Variants in SEC14L5 observed in about 807,000 individuals in gnomAD.
The protein encoded by SEC14L5 is SEC14-like protein 5.
In SEC14L5, 96 loss-of-function variants were observed where a neutral mutation model predicts 84.6. The observed-to-expected ratio is 1.13, with a 90% CI of 0.96 to 1.34. SEC14L5 has a LOEUF of 1.34. Among genes scored for constraint, SEC14L5 ranks in the 40% most tolerant of loss-of-function variants. The pLI is 0.00. For synonymous variants in SEC14L5, 546 were observed against 383.4 expected (o/e 1.42, Z -4.95); for missense variants, 1,224 against 942.5 (o/e 1.30, Z -3.91).
In SEC14L5 at chr16:4,997,045, G is replaced by A. The variant is rs758424517; in HGVS notation, c.970+1G>A. 1.9e-6 allele frequency: 3 copies of A among 1,601,640 alleles called. No homozygotes were observed. Among genetic ancestry groups the A allele is most frequent in the African/African-American group, 1.3e-5 (1 of 74,564 alleles). On this transcript the variant is annotated splice_donor_variant, in intron 8 of 15. Transcript: ENST00000251170. LOFTEE classifies it high-confidence loss of function. Reference sequence around the variant, plus strand: ...GGGGGCTGGCATTACCAGGACATAGGTGCGTGCCTCCACCCACATCATGTA... The same window carrying A: ...GGGGGCTGGCATTACCAGGACATAGATGCGTGCCTCCACCCACATCATGTA...
chr16:4,966,267 CTTTT>C (rs1019686741), intron 2 of SEC14L5, among the ~76,000 whole-genome samples: 1 of 78,768 alleles, frequency 1.3e-5, no homozygotes, highest in African/African-American at 4.8e-5. Flanking sequence ...CGCCCGGCCT[CTTTT>C]TTTTTTTTTT....
At chr16:4,970,729 G>C (rs1955265288) in intron 2 of SEC14L5, among the ~76,000 whole-genome samples, 1 of 152,186 alleles carries the variant, frequency 6.6e-6, no homozygotes, top group Non-Finnish European at 1.5e-5. Flanking sequence ...GGAGAGGCCA[G>C]TCATTCTGAG....
intron 2 of SEC14L5, among the ~76,000 whole-genome samples, chr16:4,974,659 A>G (rs1227453521): frequency 6.6e-6 from 1 of 151,896 alleles, no homozygotes; most frequent in Admixed American, 6.6e-5. Context: ...ATTTTAGTGC[A>G]CCTGTCACAC....
chr16:4,968,140 C>G (rs1385799375), intron 2 of SEC14L5, among the ~76,000 whole-genome samples: 3 of 151,440 alleles, frequency 2.0e-5, no homozygotes, highest in East Asian at 1.9e-4. Context: ...CCACCTCAGC[C>G]TTCTAAATAG....
intron 2 of SEC14L5, among the ~76,000 whole-genome samples, chr16:4,972,467 C>G (rs577952802): frequency 2.0e-5 from 3 of 152,332 alleles, no homozygotes; most frequent in South Asian, 4.1e-4. Flanking sequence ...GGACTCTGTA[C>G]CCATGAAACA....
At chr16:4,974,225 T>G (rs1955313691) in intron 2 of SEC14L5, among the ~76,000 whole-genome samples, 1 of 152,100 alleles carries the variant, frequency 6.6e-6, no homozygotes, top group Non-Finnish European at 1.5e-5. Flanking sequence ...ATACTTTATA[T>G]TTTATTTTTT....
chr16:4,964,070 T>C (rs1177793043), intron 2 of SEC14L5, among the ~76,000 whole-genome samples: 1 of 152,128 alleles, frequency 6.6e-6, no homozygotes, highest in Non-Finnish European at 1.5e-5. Context: ...GAAAAACAAT[T>C]AAGACAATGG....
chr16:4,988,231 A>G lies in SEC14L5; in HGVS notation c.296A>G (p.Asn99Ser), dbSNP rs201707028. 7.9e-5 allele frequency: 127 copies of G among 1,613,700 alleles called. No individual in the cohort carries two copies. The highest frequency in any genetic ancestry group is 1.1e-4 in the Non-Finnish European group (124 of 1,179,778). ...KERTLLIEAH[N>S]ETFANRVVVN... is the part of the protein sequence containing the mutation. ...AGGACGCTCCTCATCGAAGCGCACA[A>G]TGAGACCTTCGCCAACCGCGTGGTG... The change falls in exon 4 of 16, where the codon AAT (asparagine) becomes AGT (serine). Residue 99 changes from asparagine (N) to serine (S), a missense_variant. Physicochemically the swap from Asn to Ser is conservative, Grantham distance 46. Coordinates refer to ENST00000251170, the MANE Select transcript of SEC14L5 (RefSeq NM_014692.2).
chr16:5,002,536 C>T (rs771713249), intron 10 of SEC14L5, among the ~76,000 whole-genome samples: 1 of 151,926 alleles, frequency 6.6e-6, no homozygotes, highest in African/African-American at 2.4e-5. Context: ...TCTAAGGACA[C>T]GTATGTTGGG....
At position 5,015,168 on chromosome 16, in the gene SEC14L5, A is replaced by C; in HGVS notation, c.*198A>C. ...GTGGTGTCAGGGCTCTTGAAATTGC[A>C]AGGACAGAACCATCTCCTTCCGGCT... is the stretch of plus-strand genomic sequence containing the variant. On this transcript the variant is annotated 3_prime_UTR_variant, in exon 16 of 16. Transcript: ENST00000251170. 2 of 586,100 alleles carry C rather than the reference A, an allele frequency of 3.4e-6. No individual in the cohort carries two copies. Among genetic ancestry groups the C allele is most frequent in the Non-Finnish European group, 6.1e-6 (2 of 329,968 alleles). 36.3% of individuals were successfully genotyped at this position (586,100 alleles called of 1,614,324 possible). A position where few individuals can be genotyped will look rare whatever the true frequency, so the allele number is the denominator to read the frequency against.
At chr16:5,000,830 G>T in intron 9 of SEC14L5, 25 bp from the exon 10 acceptor site, 1 of 1,591,244 alleles carries the variant, frequency 6.3e-7, no homozygotes, top group Non-Finnish European at 8.6e-7. Context: ...GGCGGACGTT[G>T]AGCAGCACTG....
At chr16:4,999,104 GCTTTT>G (rs1274738182) in intron 8 of SEC14L5, among the ~76,000 whole-genome samples, 1 of 152,112 alleles carries the variant, frequency 6.6e-6, no homozygotes, top group Non-Finnish European at 1.5e-5. Flanking sequence ...GCATTTTTGG[GCTTTT>G]CTTTGGTGAC....
At chr16:4,995,504 GC>G (rs890140599) in intron 6 of SEC14L5, among the ~76,000 whole-genome samples, 2 of 152,166 alleles carry the variant, frequency 1.3e-5, no homozygotes, top group African/African-American at 4.8e-5. Flanking sequence ...TGGGGATGGG[GC>G]AAAGCAAAGA....
chr16:4,990,751 C>T lies in SEC14L5; in HGVS notation c.346-16C>T. The T allele has an allele frequency of 6.2e-7, 1 of 1,601,098 alleles. No homozygotes were observed. The highest frequency in any genetic ancestry group is 1.1e-5 in the South Asian group (1 of 89,090). On this transcript the variant is annotated splice_polypyrimidine_tract_variant and intron_variant, in intron 4 of 15. Coordinates refer to ENST00000251170, the MANE Select transcript of SEC14L5 (RefSeq NM_014692.2). ...CCGACATTGAGTCCCTGGCATGACC[C>T]CTGCCTGGCTTTCAGGTCCACCCTG...
intron 2 of SEC14L5, among the ~76,000 whole-genome samples, chr16:4,968,201 C>T (rs544792872): frequency 2.7e-5 from 4 of 150,072 alleles, no homozygotes; most frequent in Admixed American, 1.3e-4. Flanking sequence ...TTTTTTGAGA[C>T]GAAGTTTCGC....
At position 4,976,241 on chromosome 16, in the gene SEC14L5, T is replaced by G. The variant is rs138838864; in HGVS notation, c.64-11316T>G. 4.6e-5 allele frequency among the ~76,000 whole-genome samples: 7 copies of G among 152,246 alleles called. No homozygotes were observed. The East Asian group carries it at 1.4e-3, about 29-fold the overall frequency. On this transcript the variant is annotated intron_variant, in intron 2 of 15. Transcript: ENST00000251170. ...ACTTCCCCTTTTACACACAAAGGAATTAAGGAACTGAGAGCTTGATGATTT... is the reference window on the plus strand; with the variant it reads ...ACTTCCCCTTTTACACACAAAGGAAGTAAGGAACTGAGAGCTTGATGATTT...
rs762535384 is a variant in SEC14L5 at position 4,959,404 on chromosome 16, C to T, written c.63+18C>T. The T allele has an allele frequency of 6.2e-7, 1 of 1,611,438 alleles. No homozygotes were observed. The highest frequency in any genetic ancestry group is 8.5e-7 in the Non-Finnish European group (1 of 1,177,542). On this transcript the variant is annotated intron_variant, in intron 2 of 15. Transcript: ENST00000251170. ...TCATGGCGGTGAGTGACTCCTGATT[C>T]TTGGGCCCCCATGTGACAGTTGGAG... is the stretch of plus-strand genomic sequence containing the variant.
intron 2 of SEC14L5, among the ~76,000 whole-genome samples, chr16:4,984,218 AC>A (rs1361427665): frequency 1.3e-5 from 2 of 152,242 alleles, no homozygotes; most frequent in Non-Finnish European, 2.9e-5. Flanking sequence ...GTCCCTGGCA[AC>A]CACTAATCTA....
At chr16:4,994,172 A>G (rs1443198729) in intron 6 of SEC14L5, among the ~76,000 whole-genome samples, 1 of 152,118 alleles carries the variant, frequency 6.6e-6, no homozygotes, top group Non-Finnish European at 1.5e-5. Context: ...TTGTATGTAC[A>G]CCACAAATCC....
Sources: allele counts gnomAD v4.1 joint callset (sites outside exome capture counted in the v4.1 genomes callset), GRCh38; gene constraint gnomAD v4.1.1; transcripts MANE v1.5; gene names NCBI Gene and HGNC (gene_info 2026-07-23, HGNC 2026-07-21).